ATG16L2: variants seen among roughly 807,000 people sequenced by gnomAD.
The protein encoded by ATG16L2 is autophagy related 16 like 2.
In ATG16L2, 77 loss-of-function variants were observed where a neutral mutation model predicts 84.7. That is an observed-to-expected ratio of 0.91 (90% CI 0.76 to 1.10). The LOEUF (loss-of-function observed/expected upper bound fraction) is 1.10, where lower values mean the gene tolerates loss of function less well. Ranked by LOEUF, ATG16L2 falls within the 50% of genes least tolerant of loss-of-function variation. The pLI is 0.00. For synonymous variants in ATG16L2, 361 were observed against 342.8 expected, an observed-to-expected ratio of 1.05 and a Z score of -0.59; for missense variants, 782 against 817.6, an observed-to-expected ratio of 0.96 and a Z score of 0.53.
rs752636491 is a variant in ATG16L2 at position 72,824,715 on chromosome 11, C to A, written c.888-19C>A. On this transcript the variant is annotated intron_variant, in intron 8 of 17. Coordinates refer to ENST00000321297, the MANE Select transcript of ATG16L2 (RefSeq NM_033388.2). ...GGACTTGCTGAATGCCCTCCTGACC[C>A]CAACCCACCTTACCCCAGTTTTAAG... The A allele has an allele frequency of 6.2e-7, 1 of 1,606,850 alleles. No individual in the cohort carries two copies. The highest frequency in any genetic ancestry group is 8.5e-7 in the Non-Finnish European group (1 of 1,173,596).
At chr11:72,817,450 A>G (rs995315020) in intron 2 of ATG16L2, among the ~76,000 whole-genome samples, 10 of 152,088 alleles carry the variant, frequency 6.6e-5, no homozygotes, top group Non-Finnish European at 2.9e-5. Context: ...CGATCTCTTG[A>G]TCTTGTGATC....
At chr11:72,817,340 A>G (rs1399711782) in intron 2 of ATG16L2, among the ~76,000 whole-genome samples, 2 of 151,972 alleles carry the variant, frequency 1.3e-5, no homozygotes, top group African/African-American at 2.4e-5. Flanking sequence ...GGTTCAAGCA[A>G]TTCTCCTGCC....
chr11:72,843,062 T>A (rs1231707242), exon 6 of ATG16L2: 43 of 1,295,416 alleles, frequency 3.3e-5, no homozygotes, highest in Non-Finnish European at 4.5e-5. Context: ...AGGAAAGTTG[T>A]GCTTTTTATC....
intron 13 of ATG16L2, 102 bp downstream of exon 13, chr11:72,826,925 C>T: frequency 7.2e-7 from 1 of 1,390,294 alleles, no homozygotes; most frequent in Non-Finnish European, 9.8e-7. Flanking sequence ...CTCTGAGATT[C>T]ATAGGCATTT....
chr11:72,824,626 C>A, intron 8 of ATG16L2, 108 bp from the exon 9 acceptor site: 1 of 819,236 alleles, frequency 1.2e-6, no homozygotes, highest in Non-Finnish European at 2.1e-6. Context: ...CCATGTTCTG[C>A]CGCCTGCCAT....
rs1341268844 is a variant in ATG16L2 at position 72,828,358 on chromosome 11, G to A, written c.1473-1G>A. 5 of 1,613,918 alleles carry A rather than the reference G, an allele frequency of 3.1e-6. No homozygotes were observed. The highest frequency in any genetic ancestry group is 4.2e-6 in the Non-Finnish European group (5 of 1,179,920). On this transcript the variant is annotated splice_acceptor_variant, in intron 14 of 17. Transcript: ENST00000321297. LOFTEE classifies it high-confidence loss of function. ...TCCCTGTCTCTGTCCTTGTTCCTCA[G>A]GGGGCCCCACTGCACCCAGGTCATC...
At chr11:72,817,215 G>A (rs1198076125) in intron 2 of ATG16L2, among the ~76,000 whole-genome samples, 3 of 152,064 alleles carry the variant, frequency 2.0e-5, no homozygotes, top group African/African-American at 7.2e-5. Flanking sequence ...GGAATAGGTT[G>A]GGGCTCAGAG....
intron 5 of ATG16L2, chr11:72,841,577 G>A: frequency 6.2e-7 from 1 of 1,603,238 alleles, no homozygotes; most frequent in Admixed American, 1.7e-5. Flanking sequence ...TTGGGGGAAG[G>A]AGAGATCTGC....
chr11:72,815,223 A>G (rs1859639232), intron 1 of ATG16L2, among the ~76,000 whole-genome samples: 1 of 152,182 alleles, frequency 6.6e-6, no homozygotes, highest in Non-Finnish European at 1.5e-5. Flanking sequence ...GGGGATGAAC[A>G]GGTGTGCCTG....
At position 72,816,460 on chromosome 11, in the gene ATG16L2, C is replaced by A. The variant is rs548473298; in HGVS notation, c.119-268C>A. On this transcript the variant is annotated intron_variant, in intron 1 of 17. Coordinates refer to ENST00000321297, the MANE Select transcript of ATG16L2 (RefSeq NM_033388.2). ...TCAGGACCCTCAGCGGGCAGTACCC[C>A]GCAGTGGTCATCCTTCTGTCCCTGG... is the stretch of plus-strand genomic sequence containing the variant. 1.2e-5 allele frequency: 5 copies of A among 418,100 alleles called. No homozygotes were observed. The East Asian group carries it at 1.5e-4, about 13-fold the overall frequency. 25.9% of individuals were successfully genotyped at this position (418,100 alleles called of 1,614,324 possible). A position where few individuals can be genotyped will look rare whatever the true frequency, so the allele number is the denominator to read the frequency against.
intron 5 of ATG16L2, among the ~76,000 whole-genome samples, chr11:72,841,911 A>G (rs1860966546): frequency 6.6e-6 from 1 of 152,244 alleles, no homozygotes; most frequent in Admixed American, 6.5e-5. Context: ...CAACAACAAC[A>G]AAAGGAACAA....
rs1454038412 is a variant in ATG16L2, at chr11:72,827,182, C to G, written c.1367-6C>G. 1 of 1,611,742 alleles carries G rather than the reference C, an allele frequency of 6.2e-7. No individual in the cohort carries two copies. Among genetic ancestry groups the G allele is most frequent in the African/African-American group, 1.3e-5 (1 of 74,854 alleles). ...GAGGCCCTGGGGTCTGCTGCTTGGT[C>G]CCCAGGCTCCAGGACCATCAATGTC... On this transcript the variant is annotated splice_polypyrimidine_tract_variant and splice_region_variant and intron_variant, in intron 13 of 17. Coordinates refer to ENST00000321297, the MANE Select transcript of ATG16L2 (RefSeq NM_033388.2).
chr11:72,824,602 GCTGCTCCTTGGGGCCATGTT>G (rs1360766083), intron 8 of ATG16L2, 112 bp from the exon 9 acceptor site: 1 of 715,452 alleles, frequency 1.4e-6, no homozygotes, highest in African/African-American at 1.8e-5. Flanking sequence ...GAATGCTCTC[GCTGCTCCTTGGGGCCATGTT>G]CTGCCGCCTG....
chr11:72,821,828 G>C, intron 4 of ATG16L2, 87 bp downstream of exon 4: 2 of 1,482,618 alleles, frequency 1.3e-6, no homozygotes, highest in Non-Finnish European at 1.8e-6. Context: ...GAATGGCGCG[G>C]GCCGAGATCT....
chr11:72,822,087 C>A lies in ATG16L2; in HGVS notation c.436C>A (p.Arg146=), dbSNP rs745808792. Reference sequence around the variant, plus strand: ...CCGCGTGGCGCAGCTGCGAGAGGCGCGGGCGCAGCAGGCCCAGCAGGTGGA... The same window carrying A: ...CCGCGTGGCGCAGCTGCGAGAGGCGAGGGCGCAGCAGGCCCAGCAGGTGGA... ...EARVAQLREA[R]AQQAQQVEEW... Residue 146 remains arginine, a synonymous_variant, in exon 5 of 18, where the codon CGG becomes AGG. Transcript: ENST00000321297. The surrounding 1 kb of genome is among the most constrained non-coding windows in gnomAD (Gnocchi z 4.2). 36 of 1,541,668 alleles carry A rather than the reference C, an allele frequency of 2.3e-5. No homozygotes were observed. The African/African-American group carries it at 4.2e-4, about 18-fold the overall frequency.
At chr11:72,819,446 A>G (rs1859856012) in intron 3 of ATG16L2, among the ~76,000 whole-genome samples, 1 of 152,220 alleles carries the variant, frequency 6.6e-6, no homozygotes, top group Non-Finnish European at 1.5e-5. Flanking sequence ...CAAGCAATAC[A>G]CAAAACATGC....
chr11:72,826,652 G>C (rs1457016870), intron 12 of ATG16L2, 51 bp from the exon 13 acceptor site: 1 of 1,614,102 alleles, frequency 6.2e-7, no homozygotes, highest in South Asian at 1.1e-5. Flanking sequence ...TAGGGGGCCT[G>C]TTATGGGGTC....
chr11:72,832,487 G>A (rs996624714), downstream of ATG16L2, among the ~76,000 whole-genome samples: 10 of 152,212 alleles, frequency 6.6e-5, no homozygotes. Context: ...ACTGAGCAGA[G>A]GAGTTCAGAG....
intron 11 of ATG16L2, 109 bp downstream of exon 11, chr11:72,826,352 GC>G: frequency 7.0e-7 from 1 of 1,425,766 alleles, no homozygotes. Flanking sequence ...CTAGAACCAG[GC>G]CCCTGGGCTC....
Sources: allele counts gnomAD v4.1 joint callset (sites outside exome capture counted in the v4.1 genomes callset), GRCh38; gene constraint gnomAD v4.1.1; non-coding constraint Gnocchi (gnomAD v3.1); transcripts MANE v1.5; gene names NCBI Gene and HGNC (gene_info 2026-07-23, HGNC 2026-07-21).